Variants in ST8SIA4 observed in about 807,000 individuals in gnomAD.
The protein encoded by ST8SIA4 is CMP-N-acetylneuraminate-poly-alpha-2,8-sialyltransferase.
A neutral mutation model predicts 33.9 loss-of-function variants in ST8SIA4; 15 were observed. The observed-to-expected ratio is 0.44, with a 90% CI of 0.30 to 0.68. The LOEUF (loss-of-function observed/expected upper bound fraction) is 0.68, where lower values mean the gene tolerates loss of function less well. Among genes scored for constraint, ST8SIA4 ranks in the 30% least tolerant of loss-of-function variants. The pLI is 0.10. For synonymous variants in ST8SIA4, 171 were observed against 151.2 expected (o/e 1.13, Z -0.96); for missense variants, 321 against 428.0 (o/e 0.75, Z 2.21).
In ST8SIA4 at chr5:100,810,935, T is replaced by C; in HGVS notation, c.*912A>G. On this transcript the variant is annotated 3_prime_UTR_variant, in exon 5 of 5. Transcript: ENST00000231461. ...GCTCACGCCTGTAATCCCAGCACTT[T>C]GGGAGGCCAAGGCGGGTGGATCACG... 4 of 152,318 alleles carry C rather than the reference T, an allele frequency of 2.6e-5. No individual in the cohort carries two copies. The highest frequency in any genetic ancestry group is 5.9e-5 in the Non-Finnish European group (4 of 68,088). 9.4% of individuals were successfully genotyped at this position (152,318 alleles called of 1,614,324 possible). A position where few individuals can be genotyped will look rare whatever the true frequency, so the allele number is the denominator to read the frequency against.
In ST8SIA4 at chr5:100,849,365, A is replaced by C. The variant is rs576101094; in HGVS notation, c.797+6738T>G. On this transcript the variant is annotated intron_variant, in intron 4 of 4. Transcript: ENST00000231461. ...TTGTTTTCGTCTTCCTTGGAAATCA[A>C]ATTTCTGCGTAATTCTTCAAAATTC... 5 of 985,438 alleles carry C rather than the reference A, an allele frequency of 5.1e-6. No individual in the cohort carries two copies. In the East Asian group the frequency reaches 5.7e-4, roughly 112 times the overall value. 61.0% of individuals were successfully genotyped at this position (985,438 alleles called of 1,614,324 possible). A position where few individuals can be genotyped will look rare whatever the true frequency, so the allele number is the denominator to read the frequency against.
chr5:100,867,464 C>A (rs1365534110), intron 3 of ST8SIA4, among the ~76,000 whole-genome samples: 1 of 151,476 alleles, frequency 6.6e-6, no homozygotes, highest in Non-Finnish European at 1.5e-5. Context: ...AAGAACGAAA[C>A]AACATTTATT....
intron 3 of ST8SIA4, among the ~76,000 whole-genome samples, chr5:100,882,656 G>A (rs1371726510): frequency 6.6e-6 from 1 of 152,198 alleles, no homozygotes; most frequent in Non-Finnish European, 1.5e-5. Flanking sequence ...AGGAGAAAAT[G>A]GTTTCACGGG....
At chr5:100,860,846 C>T (rs1441882298) in intron 3 of ST8SIA4, among the ~76,000 whole-genome samples, 2 of 152,120 alleles carry the variant, frequency 1.3e-5, no homozygotes, top group East Asian at 3.8e-4. Flanking sequence ...TTATCCCTAG[C>T]TTTTCATCTC....
intron 4 of ST8SIA4, among the ~76,000 whole-genome samples, chr5:100,825,839 A>G (rs1041096166): frequency 1.3e-5 from 2 of 152,180 alleles, no homozygotes; most frequent in Non-Finnish European, 2.9e-5. Flanking sequence ...GAGATTATTC[A>G]CCTAATTTGT....
chr5:100,866,578 T>TCA (rs141002831), intron 3 of ST8SIA4, among the ~76,000 whole-genome samples: 16,256 of 146,362 alleles, frequency 0.11, 973 homozygotes, highest in African/African-American at 0.15. Flanking sequence ...CTTCTAAATT[T>TCA]CACACACACA....
At chr5:100,896,775 C>T (rs1752788594) in intron 1 of ST8SIA4, among the ~76,000 whole-genome samples, 1 of 152,110 alleles carries the variant, frequency 6.6e-6, no homozygotes, top group South Asian at 2.1e-4. Flanking sequence ...ACAACAGAGA[C>T]AGAATGTTTT....
chr5:100,873,057 TC>T (rs1417505486), intron 3 of ST8SIA4, among the ~76,000 whole-genome samples: 2 of 152,054 alleles, frequency 1.3e-5, no homozygotes, highest in Non-Finnish European at 1.5e-5. Context: ...CTAACAAGCT[TC>T]CAGGTGATAA....
chr5:100,829,725 C>A (rs1003445070), intron 4 of ST8SIA4, among the ~76,000 whole-genome samples: 3 of 151,886 alleles, frequency 2.0e-5, no homozygotes, highest in African/African-American at 4.8e-5. Flanking sequence ...CTGGCTAACA[C>A]GGTGAAACCC....
chr5:100,859,548 A>G (rs1326680654), intron 3 of ST8SIA4, among the ~76,000 whole-genome samples: 2 of 152,096 alleles, frequency 1.3e-5, no homozygotes, highest in African/African-American at 4.8e-5. Flanking sequence ...TTCTCAATTT[A>G]TTTGTGTTTA....
chr5:100,828,408 T>C (rs1253940093), intron 4 of ST8SIA4, among the ~76,000 whole-genome samples: 1 of 152,198 alleles, frequency 6.6e-6, no homozygotes, highest in Non-Finnish European at 1.5e-5. Context: ...AGTGTGCTTT[T>C]TGCAGGCTCC....
At chr5:100,885,368 C>T (rs1364105711) in intron 3 of ST8SIA4, 2 of 964,514 alleles carry the variant, frequency 2.1e-6, no homozygotes. Context: ...CTTGATAATG[C>T]TTGAGTGTGA....
intron 2 of ST8SIA4, among the ~76,000 whole-genome samples, chr5:100,892,946 G>A (rs1158153918): frequency 6.6e-6 from 1 of 151,926 alleles, no homozygotes; most frequent in Non-Finnish European, 1.5e-5. Flanking sequence ...TGGCACATAT[G>A]TACCTGTGTA....
intron 3 of ST8SIA4, chr5:100,885,796 TA>T (rs941073805): frequency 1.1e-6 from 1 of 894,222 alleles, no homozygotes; most frequent in Non-Finnish European, 1.3e-6. Flanking sequence ...TTAATTATGT[TA>T]AAAAAACATA....
At chr5:100,813,838 A>AT (rs1244410799) in intron 4 of ST8SIA4, among the ~76,000 whole-genome samples, 1 of 152,066 alleles carries the variant, frequency 6.6e-6, no homozygotes, top group African/African-American at 2.4e-5. Flanking sequence ...ATCTATTTAT[A>AT]AATTTTTAAA....
chr5:100,854,792 A>C (rs1751779792), intron 4 of ST8SIA4, among the ~76,000 whole-genome samples: 1 of 152,154 alleles, frequency 6.6e-6, no homozygotes, highest in Non-Finnish European at 1.5e-5. Flanking sequence ...TGGGCTTGGA[A>C]ACCTGTTTTT....
intron 4 of ST8SIA4, among the ~76,000 whole-genome samples, chr5:100,827,988 C>T (rs532287425): frequency 5.9e-5 from 9 of 152,324 alleles, no homozygotes; most frequent in African/African-American, 1.7e-4. Context: ...AAACTGAAAT[C>T]TATTTCTATA....
intron 4 of ST8SIA4, among the ~76,000 whole-genome samples, chr5:100,855,293 A>G (rs1751790318): frequency 6.6e-6 from 1 of 152,200 alleles, no homozygotes; most frequent in Admixed American, 6.5e-5. Context: ...TGAGGGACAA[A>G]TTATACACCT....
intron 4 of ST8SIA4, among the ~76,000 whole-genome samples, chr5:100,837,311 C>G (rs1345265623): frequency 3.3e-5 from 5 of 152,016 alleles, no homozygotes; most frequent in Admixed American, 3.3e-4. Context: ...GTGATGAAGT[C>G]TGTAAAAGCT....
Sources: allele counts gnomAD v4.1 joint callset (sites outside exome capture counted in the v4.1 genomes callset), GRCh38; gene constraint gnomAD v4.1.1; transcripts MANE v1.5; gene names NCBI Gene and HGNC (gene_info 2026-07-23, HGNC 2026-07-21).